Variants in SPAG17 observed in about 807,000 individuals in gnomAD.
SPAG17 encodes sperm associated antigen 17, also known as sperm-associated antigen 17.
In SPAG17, 169 loss-of-function variants were observed where a neutral mutation model predicts 273.6. That is an observed-to-expected ratio of 0.62 (90% CI 0.55 to 0.70). The LOEUF (loss-of-function observed/expected upper bound fraction) is 0.70. Among genes scored for constraint, SPAG17 ranks in the 30% least tolerant of loss-of-function variants. The pLI is 0.00. For missense variants in SPAG17, 2,557 were observed against 2,627.8 expected, an observed-to-expected ratio of 0.97 and a Z score of 0.59; for synonymous variants, 825 against 873.2, an observed-to-expected ratio of 0.94 and a Z score of 0.97.
Position 118,031,832 on chromosome 1 carries a change from T to A in SPAG17, c.3469A>T (p.Ile1157Phe). The A allele has an allele frequency of 6.2e-7, 1 of 1,609,650 alleles. No individual in the cohort carries two copies. The highest frequency in any genetic ancestry group is 8.5e-7 in the Non-Finnish European group (1 of 1,177,702). The part of the protein sequence containing the change: ...KDPDLETILN[I>F]PSALTPTVVP... The stretch of plus-strand genomic sequence containing the variant: ...ACTGTTGGAGTGAGTGCTGAAGGGA[T>A]ATTCAATATTGTTTCTAAATCAGGA... Residue 1157 changes from isoleucine (I) to phenylalanine (F), a missense_variant, in exon 25 of 49, where the codon ATC becomes TTC. Physicochemically the swap from Ile to Phe is conservative, Grantham distance 21. Transcript: ENST00000336338.
At chr1:118,082,170 A>G (rs1197287499) in intron 13 of SPAG17, among the ~76,000 whole-genome samples, 1 of 152,176 alleles carries the variant, frequency 6.6e-6, no homozygotes, top group Non-Finnish European at 1.5e-5. Context: ...AGCAGGCTTT[A>G]TAATTGTGTA....
intron 3 of SPAG17, among the ~76,000 whole-genome samples, chr1:118,147,607 C>T (rs1388546953): frequency 6.6e-6 from 1 of 152,218 alleles, no homozygotes; most frequent in East Asian, 1.9e-4. Context: ...TAGCACAAAT[C>T]TAAGCAGCTT....
intron 1 of SPAG17, among the ~76,000 whole-genome samples, chr1:118,152,327 T>A (rs1659432952): frequency 6.6e-6 from 1 of 152,130 alleles, no homozygotes; most frequent in Non-Finnish European, 1.5e-5. Flanking sequence ...TATAGTAAAA[T>A]GGTCTCCTGG....
rs143991423 is a variant in SPAG17 at position 118,011,869 on chromosome 1, A to T, written c.4432+359T>A. Among the ~76,000 whole-genome samples, 3 of 152,264 alleles carry T rather than the reference A, an allele frequency of 2.0e-5. No homozygotes were observed. The East Asian group carries it at 5.8e-4, about 29-fold the overall frequency. ...TAGACAGATTTTAAGTTTTCTCACA[A>T]CTAAAAATAAGTATCTGAGGGTAAT... On this transcript the variant is annotated intron_variant, in intron 30 of 48. Coordinates refer to ENST00000336338, the MANE Select transcript of SPAG17 (RefSeq NM_206996.4).
intron 24 of SPAG17, among the ~76,000 whole-genome samples, chr1:118,033,002 C>T (rs1557934354): frequency 6.6e-6 from 1 of 152,162 alleles, no homozygotes; most frequent in Non-Finnish European, 1.5e-5. Flanking sequence ...CCCACCTTGA[C>T]CTACTGAATC....
At chr1:117,975,257 C>T (rs1460420462) in intron 43 of SPAG17, among the ~76,000 whole-genome samples, 2 of 152,148 alleles carry the variant, frequency 1.3e-5, no homozygotes, top group East Asian at 3.9e-4. Context: ...CACAAATACT[C>T]TCCTGGAAAG....
rs922005458 is a variant in SPAG17, at chr1:118,114,127, A to G, written c.447+1183T>C. On this transcript the variant is annotated intron_variant, in intron 4 of 48. Transcript: ENST00000336338. ...ATTTAAACAGGCAAGAGATGTTTCTATACTAGTTTCAAATTTTCCAATTTT... is the reference window on the plus strand; with the variant it reads ...ATTTAAACAGGCAAGAGATGTTTCTGTACTAGTTTCAAATTTTCCAATTTT... Among the ~76,000 whole-genome samples the G allele has an allele frequency of 3.3e-5, 5 of 152,280 alleles. 1 individual carries two copies. In the East Asian group the frequency reaches 7.7e-4, roughly 23 times the overall value.
intron 10 of SPAG17, among the ~76,000 whole-genome samples, chr1:118,091,286 T>A (rs1291404550): frequency 1.3e-5 from 2 of 152,178 alleles, no homozygotes; most frequent in Non-Finnish European, 2.9e-5. Flanking sequence ...ATAAAGACTA[T>A]TAACAACCTC....
chr1:118,138,243 A>G, intron 3 of SPAG17, among the ~76,000 whole-genome samples: 1 of 152,216 alleles, frequency 6.6e-6, no homozygotes, highest in East Asian at 1.9e-4. Flanking sequence ...ATAGGAAACA[A>G]ATACGTTGTT....
intron 3 of SPAG17, among the ~76,000 whole-genome samples, chr1:118,148,400 C>G (rs1659179999): frequency 6.6e-6 from 1 of 152,196 alleles, no homozygotes; most frequent in Admixed American, 6.5e-5. Context: ...CACGAACCTG[C>G]TGCAAGGTGC....
chr1:118,125,245 A>ATATTTTTTTTT (rs146004766), intron 3 of SPAG17, among the ~76,000 whole-genome samples: 18 of 150,750 alleles, frequency 1.2e-4, no homozygotes, highest in Non-Finnish European at 1.9e-4. Flanking sequence ...ATATATATAT[A>ATATTTTTTTTT]TTTTTGACAT....
chr1:117,969,571 T>G (rs923684985), intron 46 of SPAG17, among the ~76,000 whole-genome samples: 11 of 152,152 alleles, frequency 7.2e-5, no homozygotes, highest in African/African-American at 2.7e-4. Context: ...AGAGTGAGGC[T>G]CTGTCTCAAA....
At chr1:118,085,518 G>C (rs940882475) in intron 13 of SPAG17, among the ~76,000 whole-genome samples, 1 of 152,150 alleles carries the variant, frequency 6.6e-6, no homozygotes, top group Non-Finnish European at 1.5e-5. Flanking sequence ...GCATGCGTGC[G>C]TGCATACGCG....
chr1:117,981,208 A>G (rs1200406140), intron 43 of SPAG17, 62 bp downstream of exon 43: 3 of 1,491,054 alleles, frequency 2.0e-6, no homozygotes, highest in African/African-American at 1.5e-5. Context: ...GCCATCTCCC[A>G]TATGCCAAAA....
chr1:118,058,286 G>A (rs1183776782), intron 18 of SPAG17, among the ~76,000 whole-genome samples: 1 of 152,036 alleles, frequency 6.6e-6, no homozygotes, highest in African/African-American at 2.4e-5. Flanking sequence ...TGTCTCACAG[G>A]TGCCTCAAAC....
chr1:118,115,227 G>A, intron 4 of SPAG17, 83 bp downstream of exon 4: 1 of 1,508,250 alleles, frequency 6.6e-7, no homozygotes, highest in Non-Finnish European at 9.1e-7. Flanking sequence ...GGCTTAAGAA[G>A]AGAGGAAGTG....
intron 29 of SPAG17, among the ~76,000 whole-genome samples, chr1:118,013,621 C>T (rs1659686932): frequency 1.3e-5 from 2 of 152,010 alleles, no homozygotes; most frequent in South Asian, 4.2e-4. Flanking sequence ...GTGGGTTAAA[C>T]GAGATGATGC....
At position 118,115,662 on chromosome 1, in the gene SPAG17, T is replaced by G. The variant is rs536294187; in HGVS notation, c.316-221A>C. Among the ~76,000 whole-genome samples the G allele has an allele frequency of 2.8e-4, 42 of 152,310 alleles. 1 individual carries two copies. The highest frequency in any genetic ancestry group is 1.5e-3 in the Admixed American group (23 of 15,304). On this transcript the variant is annotated intron_variant, in intron 3 of 48. Transcript: ENST00000336338. ...TAAATTGGATTGTCTGAATATCGAC[T>G]TCTTTTTCCAATAAGGCAGAGTGCT... is the stretch of plus-strand genomic sequence containing the variant.
chr1:118,113,494 ATTT>A (rs1656894268), intron 4 of SPAG17, among the ~76,000 whole-genome samples: 1 of 152,032 alleles, frequency 6.6e-6, no homozygotes, highest in South Asian at 2.1e-4. Flanking sequence ...TACCAAGAGT[ATTT>A]TCCCGATTGT....
Sources: allele counts gnomAD v4.1 joint callset (sites outside exome capture counted in the v4.1 genomes callset), GRCh38; gene constraint gnomAD v4.1.1; transcripts MANE v1.5; gene names NCBI Gene and HGNC (gene_info 2026-07-23, HGNC 2026-07-21).